ADAMTSL1: variants seen among roughly 807,000 people sequenced by gnomAD.
ADAMTSL1 encodes ADAMTS-like protein 1.
Under a neutral mutation model 201.8 loss-of-function variants are expected in ADAMTSL1, and 126 were observed. The ratio of observed to expected loss-of-function variants is 0.62; its 90% confidence interval spans 0.54 to 0.72. The LOEUF (loss-of-function observed/expected upper bound fraction) is 0.72. Among genes scored for constraint, ADAMTSL1 ranks in the 30% least tolerant of loss-of-function variants. ADAMTSL1 has a pLI of 0.00. For synonymous variants in ADAMTSL1, 1,121 were observed against 903.4 expected, an observed-to-expected ratio of 1.24 and a Z score of -4.32; for missense variants, 2,679 against 2,277.8, an observed-to-expected ratio of 1.18 and a Z score of -3.59.
At chr9:18,405,211 G>T (rs17203690) in intron 2 of ADAMTSL1, among the ~76,000 whole-genome samples, 3 of 152,206 alleles carry the variant, frequency 2.0e-5, no homozygotes, top group Middle Eastern at 3.4e-3. Context: ...CAAGGGCAAA[G>T]AATTACTTGA....
chr9:17,960,186 C>T (rs1411499197), intron 1 of ADAMTSL1, among the ~76,000 whole-genome samples: 1 of 152,122 alleles, frequency 6.6e-6, no homozygotes, highest in African/African-American at 2.4e-5. Context: ...CATGGCTACG[C>T]ACACTTCATT....
rs758663256 is a variant in ADAMTSL1, at chr9:18,905,884, C to G, written c.4954C>G (p.Leu1652Val). ...ITLPSEQCSA[L>V]PRPVSTQNCW... ...CTTACCATCAGAGCAGTGCAGTGCT[C>G]TTCCGAGGTAAGAGAAAGCCCTGAA... Residue 1652 changes from leucine (L) to valine (V), a missense_variant, in exon 27 of 29, where the codon CTT becomes GTT. Coordinates refer to ENST00000380548, the MANE Select transcript of ADAMTSL1 (RefSeq NM_001040272.6). 7.5e-6 allele frequency: 12 copies of G among 1,609,306 alleles called. No individual in the cohort carries two copies. Among genetic ancestry groups the G allele is most frequent in the Non-Finnish European group, 9.3e-6 (11 of 1,177,404 alleles).
chr9:18,681,337 A>G (rs902150587), intron 11 of ADAMTSL1: 1 of 152,314 alleles, frequency 6.6e-6, no homozygotes, highest in African/African-American at 2.4e-5. Context: ...AATGTAATCA[A>G]TTGGATTAAC....
At chr9:18,184,190 G>T (rs1276173744) in intron 2 of ADAMTSL1, among the ~76,000 whole-genome samples, 1 of 152,158 alleles carries the variant, frequency 6.6e-6, no homozygotes, top group Non-Finnish European at 1.5e-5. Context: ...CTGCTCCAAA[G>T]AGTGTAAAGT....
At chr9:17,911,061 A>G (rs1825891365) in intron 1 of ADAMTSL1, among the ~76,000 whole-genome samples, 1 of 68,686 alleles carries the variant, frequency 1.5e-5, no homozygotes. Context: ...TATATTCTCC[A>G]AATAGTCCAA....
rs139179558 is a variant in ADAMTSL1 at position 18,901,940 on chromosome 9, T to G, written c.4852-3842T>G. On this transcript the variant is annotated intron_variant, in intron 26 of 28. Coordinates refer to ENST00000380548, the MANE Select transcript of ADAMTSL1 (RefSeq NM_001040272.6). ...CTTGCTTGAGATCTAAAGAAAAAAT[T>G]AGGTTGAAAGTGAAGGAATGGAAAA... Among the ~76,000 whole-genome samples the G allele has an allele frequency of 4.6e-5, 7 of 152,248 alleles. No individual in the cohort carries two copies. The East Asian group carries it at 1.3e-3, about 29-fold the overall frequency.
intron 2 of ADAMTSL1, among the ~76,000 whole-genome samples, chr9:18,287,509 C>T (rs1259831450): frequency 2.0e-5 from 3 of 150,686 alleles, no homozygotes; most frequent in African/African-American, 4.9e-5. Context: ...TATATGTGCA[C>T]ATATGTAATA....
At chr9:18,384,759 C>T (rs1372190671) in intron 2 of ADAMTSL1, among the ~76,000 whole-genome samples, 2 of 152,124 alleles carry the variant, frequency 1.3e-5, no homozygotes, top group Non-Finnish European at 2.9e-5. Flanking sequence ...CTCCACTCGT[C>T]ACTACAGAGC....
At chr9:18,530,249 G>A (rs893437707) in intron 2 of ADAMTSL1, among the ~76,000 whole-genome samples, 1 of 152,114 alleles carries the variant, frequency 6.6e-6, no homozygotes, top group Non-Finnish European at 1.5e-5. Context: ...AGAGGTTTAT[G>A]CAAGTGGAAG....
chr9:18,566,412 A>G (rs1197042456), intron 3 of ADAMTSL1, among the ~76,000 whole-genome samples: 1 of 152,220 alleles, frequency 6.6e-6, no homozygotes, highest in Non-Finnish European at 1.5e-5. Flanking sequence ...AGCACAGTAA[A>G]TGAGTAAATT....
chr9:18,023,248 C>CT (rs1228434739), intron 1 of ADAMTSL1, among the ~76,000 whole-genome samples: 1 of 152,016 alleles, frequency 6.6e-6, no homozygotes, highest in Non-Finnish European at 1.5e-5. Flanking sequence ...ACACAGATTG[C>CT]TGGGTCCCTC....
chr9:18,716,371 G>A (rs1184422262), intron 14 of ADAMTSL1, among the ~76,000 whole-genome samples: 1 of 151,670 alleles, frequency 6.6e-6, no homozygotes, highest in Non-Finnish European at 1.5e-5. Context: ...AATCTACAAT[G>A]AACTCAAACA....
intron 2 of ADAMTSL1, among the ~76,000 whole-genome samples, chr9:18,431,831 G>T (rs565725690): frequency 2.0e-5 from 3 of 152,188 alleles, no homozygotes; most frequent in African/African-American, 7.2e-5. Flanking sequence ...ACTGAGCATG[G>T]TACTCATATG....
chr9:17,929,530 C>T (rs1284010941), intron 1 of ADAMTSL1, among the ~76,000 whole-genome samples: 1 of 152,040 alleles, frequency 6.6e-6, no homozygotes, highest in Non-Finnish European at 1.5e-5. Flanking sequence ...CACTCCTCTT[C>T]CTCCCTTCTA....
At chr9:18,032,341 G>A (rs1295700113) in intron 1 of ADAMTSL1, among the ~76,000 whole-genome samples, 1 of 152,170 alleles carries the variant, frequency 6.6e-6, no homozygotes, top group African/African-American at 2.4e-5. Context: ...AGAAAGTTGG[G>A]ACTTAGCCCA....
At chr9:18,858,726 C>T (rs1354204598) in intron 23 of ADAMTSL1, among the ~76,000 whole-genome samples, 3 of 152,174 alleles carry the variant, frequency 2.0e-5, no homozygotes, top group East Asian at 1.9e-4. Flanking sequence ...TACCTATCTG[C>T]CAGGCTGGGA....
At chr9:18,310,325 A>C (rs1244515358) in intron 2 of ADAMTSL1, among the ~76,000 whole-genome samples, 2 of 147,396 alleles carry the variant, frequency 1.4e-5, no homozygotes, top group Non-Finnish European at 3.0e-5. Flanking sequence ...CAAAAAACAA[A>C]ATTGACATAT....
At chr9:18,287,729 TC>T (rs1833074188) in intron 2 of ADAMTSL1, among the ~76,000 whole-genome samples, 1 of 110,450 alleles carries the variant, frequency 9.1e-6, no homozygotes, top group Non-Finnish European at 2.0e-5. Flanking sequence ...TATGTGAGTA[TC>T]CCCCTTTGTG....
rs924101191 is a variant in ADAMTSL1 at position 18,721,142 on chromosome 9, T to C, written c.1877-394T>C. Among the ~76,000 whole-genome samples the C allele has an allele frequency of 2.6e-5, 4 of 152,190 alleles. No individual in the cohort carries two copies. The East Asian group carries it at 7.7e-4, about 29-fold the overall frequency. On this transcript the variant is annotated intron_variant, in intron 14 of 28. Coordinates refer to ENST00000380548, the MANE Select transcript of ADAMTSL1 (RefSeq NM_001040272.6). ...CCCTTCCAAATACAACGATTTCCTT[T>C]CAATTAAAATATAAGATGTGAAGGT...
Sources: allele counts gnomAD v4.1 joint callset (sites outside exome capture counted in the v4.1 genomes callset), GRCh38; gene constraint gnomAD v4.1.1; transcripts MANE v1.5; gene names NCBI Gene and HGNC (gene_info 2026-07-23, HGNC 2026-07-21).